Variants in PTPRF observed in about 807,000 individuals in gnomAD.
PTPRF encodes receptor-type tyrosine-protein phosphatase F.
In PTPRF, 59 loss-of-function variants were observed where a neutral mutation model predicts 201.8. The ratio of observed to expected loss-of-function variants is 0.29; its 90% CI spans 0.24 to 0.36. The LOEUF (loss-of-function observed/expected upper bound fraction) is 0.36. Among genes scored for constraint, PTPRF ranks in the 10% least tolerant of loss-of-function variants. The probability of loss-of-function intolerance (pLI) is 1.00; values close to 1 mark genes in which losing one functional copy is unlikely to be tolerated. For missense variants in PTPRF, 2,132 were observed against 2,690.5 expected, an observed-to-expected ratio of 0.79 and a Z score of 4.59; for synonymous variants, 1,088 against 1,089.7, an observed-to-expected ratio of 1.00 and a Z score of 0.03.
chr1:43,579,512 G>C (rs1647173041), intron 7 of PTPRF: 2 of 329,442 alleles, frequency 6.1e-6, no homozygotes, highest in South Asian at 5.0e-5. Flanking sequence ...TGAGCACCTG[G>C]TGTGTTCCAG....
Position 43,618,618 on chromosome 1 carries a change from ATCC to A in PTPRF, c.4372-7_4372-5del, listed in dbSNP as rs376404615. ...GGGCTTCCTTCAGCCTGCCCTGCTCATCCTCCTGCAGGTAAAATGTGATCAGTA... is the reference window on the plus strand; with the variant it reads ...GGGCTTCCTTCAGCCTGCCCTGCTCATCCTGCAGGTAAAATGTGATCAGTA... On this transcript the variant is annotated splice_polypyrimidine_tract_variant and intron_variant, in intron 25 of 33. Transcript: ENST00000359947. 4.5e-4 allele frequency: 713 copies of A among 1,589,894 alleles called. No individual in the cohort carries two copies. The African/African-American group carries it at 8.1e-3, about 18-fold the overall frequency.
chr1:43,533,543 G>A (rs1409870272), intron 1 of PTPRF, among the ~76,000 whole-genome samples: 2 of 152,078 alleles, frequency 1.3e-5, no homozygotes, highest in African/African-American at 4.8e-5. Flanking sequence ...TACACACCAC[G>A]GCTCCTCCAC....
At position 43,617,783 on chromosome 1, in the gene PTPRF, C is replaced by T. The variant is rs780769007; in HGVS notation, c.4243C>T (p.Arg1415Cys). The T allele has an allele frequency of 1.4e-5, 23 of 1,614,148 alleles. No homozygotes were observed. Among genetic ancestry groups the T allele is most frequent in the Admixed American group, 5.0e-5 (3 of 60,022 alleles). ...CAATGCCAACTACATCGATGGCTACCGCAAGCAGAATGCCTACATCGCCAC... is the reference window on the plus strand; with the variant it reads ...CAATGCCAACTACATCGATGGCTACTGCAAGCAGAATGCCTACATCGCCAC... ...YINANYIDGYRKQNAYIATQG... is the reference protein window; with the variant it reads ...YINANYIDGYCKQNAYIATQG... Residue 1415 changes from arginine (R) to cysteine (C), a missense_variant, in exon 25 of 34, where the codon CGC (arginine) becomes TGC (cysteine). Arg to Cys is a radical substitution (Grantham distance 180). Around this residue, in one of 6 missense-constraint regions of PTPRF, gnomAD observed 22 missense variants for 48.1 expected, o/e 0.46. Coordinates refer to ENST00000359947, the MANE Select transcript of PTPRF (RefSeq NM_002840.5).
At position 43,591,339 on chromosome 1, in the gene PTPRF, G is replaced by T. The variant is rs1450583445; in HGVS notation, c.1317G>T (p.Glu439Asp). The T allele has an allele frequency of 3.9e-6, 6 of 1,552,150 alleles. No homozygotes were observed. The African/African-American group carries it at 5.5e-5, about 14-fold the overall frequency. The change falls in exon 9 of 34, where the codon GAG becomes GAT. Residue 439 changes from glutamate to aspartate, a missense_variant. By Grantham distance (45) the Glu-to-Asp change is conservative. This residue lies in a region of PTPRF where 351 missense variants were observed against 401.7 expected (regional missense o/e 0.87). Transcript: ENST00000359947. Reference protein sequence around the residue: ...TMLVQWEPPEEPNGLVRGYRV... With the variant: ...TMLVQWEPPEDPNGLVRGYRV... Reference sequence around the variant, plus strand: ...TGGTGCAGTGGGAGCCTCCCGAGGAGCCCAACGGCCTGGTGCGGGGATACC... The same window carrying T: ...TGGTGCAGTGGGAGCCTCCCGAGGATCCCAACGGCCTGGTGCGGGGATACC...
Position 43,553,844 on chromosome 1 carries a change from G to A in PTPRF, c.282G>A (p.Gln94=), listed in dbSNP as rs1645181402. ...GGGCAGGGTCAGTGCTTCGGATCCA[G>A]CCATTGCGGGTGCAGCGAGATGAAG... ...DDGAGSVLRI[Q]PLRVQRDEAI... is the part of the protein sequence containing the mutation. Residue 94 remains glutamine (Q), a synonymous_variant, in exon 5 of 34, where the codon CAG becomes CAA. Transcript: ENST00000359947. This position sits in a 1 kb window ranked among gnomAD's most constrained non-coding sequence, Gnocchi z 4.1. 2 of 1,614,216 alleles carry A rather than the reference G, an allele frequency of 1.2e-6. No individual in the cohort carries two copies. Among genetic ancestry groups the A allele is most frequent in the Non-Finnish European group, 1.7e-6 (2 of 1,180,040 alleles).
intron 9 of PTPRF, 93 bp downstream of exon 9, chr1:43,591,646 T>C: frequency 7.0e-7 from 1 of 1,435,826 alleles, no homozygotes; most frequent in Non-Finnish European, 9.3e-7. Context: ...GCTGTGAGGC[T>C]GGGGGCTCTT....
chr1:43,549,630 G>A (rs966873148), intron 3 of PTPRF, among the ~76,000 whole-genome samples: 3 of 152,206 alleles, frequency 2.0e-5, no homozygotes, highest in Admixed American at 6.5e-5. Flanking sequence ...CAAGGCAGGT[G>A]GATCGCCAGA....
chr1:43,603,605 C>A lies in PTPRF; in HGVS notation c.2459-6C>A. On this transcript the variant is annotated splice_polypyrimidine_tract_variant and splice_region_variant and intron_variant, in intron 15 of 33. Transcript: ENST00000359947. The surrounding 1 kb of genome is among the most constrained non-coding windows in gnomAD (Gnocchi z 5.8). Reference sequence around the variant, plus strand: ...CAGCGCCAGAGCCCAGCCCGTGGTCCTTCAGTCCCAGGCCGGCCCACCATG... The same window carrying A: ...CAGCGCCAGAGCCCAGCCCGTGGTCATTCAGTCCCAGGCCGGCCCACCATG... The A allele has an allele frequency of 1.2e-6, 2 of 1,612,686 alleles. No homozygotes were observed. The highest frequency in any genetic ancestry group is 1.3e-5 in the African/African-American group (1 of 75,056).
Position 43,619,703 on chromosome 1 carries a change from C to T in PTPRF, c.4956C>T (p.His1652=), listed in dbSNP as rs1377458062. 2.5e-6 allele frequency: 4 copies of T among 1,614,166 alleles called. No homozygotes were observed. Among genetic ancestry groups the T allele is most frequent in the Non-Finnish European group, 3.4e-6 (4 of 1,179,998 alleles). ...EFKLLASSKA[H]TSRFISANLP... The stretch of plus-strand genomic sequence containing the variant: ...AGTTGCTGGCCAGCTCCAAGGCCCA[C>T]ACGTCCCGCTTCATCAGCGCCAACC... The change falls in exon 29 of 34, where the codon CAC becomes CAT. Residue 1652 remains histidine (H), a synonymous_variant. Coordinates refer to ENST00000359947, the MANE Select transcript of PTPRF (RefSeq NM_002840.5).
chr1:43,605,106 G>A (rs887786546), intron 17 of PTPRF, 84 bp from the exon 18 acceptor site: 16 of 1,576,586 alleles, frequency 1.0e-5, no homozygotes, highest in Non-Finnish European at 1.4e-5. Context: ...CAGGAATGTG[G>A]TTGTGTATCC....
intron 5 of PTPRF, among the ~76,000 whole-genome samples, chr1:43,558,618 C>T (rs1222804234): frequency 2.6e-5 from 4 of 152,230 alleles, no homozygotes; most frequent in Non-Finnish European, 5.9e-5. Context: ...CCAGCCTCTC[C>T]CTCGCCGGGT....
chr1:43,547,059 T>A (rs1644726064), intron 3 of PTPRF, among the ~76,000 whole-genome samples: 1 of 152,102 alleles, frequency 6.6e-6, no homozygotes, highest in African/African-American at 2.4e-5. Flanking sequence ...GAAAACATCA[T>A]CCTGTCACTC....
At position 43,589,071 on chromosome 1, in the gene PTPRF, A is replaced by C. The variant is rs905727153; in HGVS notation, c.949+71A>C. ...GAGGTCCTGGTGGTGGGCGAATGTG[A>C]GCTGGCTGCCATGGGCACAGGCATG... On this transcript the variant is annotated intron_variant, in intron 8 of 33. Transcript: ENST00000359947. 6 of 1,446,684 alleles carry C rather than the reference A, an allele frequency of 4.1e-6. No individual in the cohort carries two copies. In the African/African-American group the frequency reaches 8.6e-5, roughly 21 times the overall value. The allele number at this position is 1,446,684 out of a possible 1,614,324, so 89.6% of individuals were successfully genotyped here.
intron 5 of PTPRF, among the ~76,000 whole-genome samples, chr1:43,555,302 G>A (rs776037771): frequency 7.3e-6 from 1 of 137,830 alleles, no homozygotes; most frequent in Non-Finnish European, 1.5e-5. Context: ...CCCATTTTCT[G>A]TGCATACATA....
intron 11 of PTPRF, among the ~76,000 whole-genome samples, chr1:43,594,291 C>CAACCCTCTTTGACCCCT (rs1240292637): frequency 5.3e-5 from 2 of 38,016 alleles, no homozygotes; most frequent in Non-Finnish European, 1.4e-4. Flanking sequence ...CTCCCCAAGG[C>CAACCCTCTTTGACCCCT]CTGAAGGAAG....
At chr1:43,568,599 G>A (rs1646350494) in intron 5 of PTPRF, among the ~76,000 whole-genome samples, 1 of 152,212 alleles carries the variant, frequency 6.6e-6, no homozygotes, top group African/African-American at 2.4e-5. Flanking sequence ...AGGCCCTAAA[G>A]CTAGTTCGTG....
intron 26 of PTPRF, 60 bp downstream of exon 26, chr1:43,618,809 T>C (rs887193733): frequency 5.1e-5 from 80 of 1,569,274 alleles, no homozygotes; most frequent in Non-Finnish European, 6.9e-5. Flanking sequence ...GTGGCCTGGG[T>C]GTGGTGTGCT....
chr1:43,560,647 G>A (rs1031086844), intron 5 of PTPRF, among the ~76,000 whole-genome samples: 1 of 152,154 alleles, frequency 6.6e-6, no homozygotes, highest in Admixed American at 6.5e-5. Flanking sequence ...TCCCTGTTTG[G>A]AGCTGTTGGT....
At chr1:43,538,142 C>T in intron 1 of PTPRF, 56 bp from the exon 2 acceptor site, 2 of 398,528 alleles carry the variant, frequency 5.0e-6, no homozygotes, top group Non-Finnish European at 8.8e-6. Context: ...TGTGTCAATA[C>T]ATATGCTGTT....
Sources: gnomAD v4.1 joint callset for allele counts (sites outside exome capture counted in the v4.1 genomes callset) on GRCh38, gnomAD v4.1.1 for gene constraint, gnomAD v4.1.1 regional missense constraint, Gnocchi (gnomAD v3.1) non-coding constraint, MANE v1.5 for transcripts, NCBI Gene and HGNC (gene_info 2026-07-23, HGNC 2026-07-21) for gene names.